Variants in SPNS3 observed in about 807,000 individuals in gnomAD.
The protein encoded by SPNS3 is SPNS lysolipid transporter 3, sphingosine-1-phosphate (putative).
Under a neutral mutation model 54.4 loss-of-function variants are expected in SPNS3, and 51 were observed. That is an observed-to-expected ratio of 0.94 (90% CI 0.75 to 1.18). The LOEUF (loss-of-function observed/expected upper bound fraction) is 1.18. Ranked by LOEUF, SPNS3 falls within the 50% of genes most tolerant of loss-of-function variation. The pLI is 0.00. For missense variants in SPNS3, 669 were observed against 677.4 expected (o/e 0.99, Z 0.14); for synonymous variants, 309 against 294.7 (o/e 1.05, Z -0.50).
chr17:4,439,519 G>T (rs948004119), intron 1 of SPNS3, 139 bp from the exon 2 acceptor site: 1 of 663,668 alleles, frequency 1.5e-6, no homozygotes, highest in Admixed American at 2.4e-5. Context: ...TGGGAGAGAG[G>T]GGGAGAGAAC....
At chr17:4,456,213 A>T (rs1971310432) in intron 8 of SPNS3, among the ~76,000 whole-genome samples, 1 of 152,058 alleles carries the variant, frequency 6.6e-6, no homozygotes. Context: ...CAGCCTCCCA[A>T]AGTGCTGGGA....
chr17:4,442,655 C>G (rs1048704567), intron 2 of SPNS3, among the ~76,000 whole-genome samples: 1 of 152,150 alleles, frequency 6.6e-6, no homozygotes, highest in African/African-American at 2.4e-5. Flanking sequence ...ATATTTAAAA[C>G]TAACACTGAC....
rs573981642 is a variant in SPNS3 at position 4,439,270 on chromosome 17, C to T, written c.200-388C>T. Among the ~76,000 whole-genome samples, 18 of 152,080 alleles carry T rather than the reference C, an allele frequency of 1.2e-4. No homozygotes were observed. The East Asian group carries it at 3.3e-3, about 28-fold the overall frequency. On this transcript the variant is annotated intron_variant, in intron 1 of 11. Transcript: ENST00000355530. ...TCCCGAGTAGCTGGGATTACAGGCG[C>T]CCGCCACCACGTCCGGCTAATTTTT... is the stretch of plus-strand genomic sequence containing the variant.
chr17:4,458,614 TTTCTTTC>T (rs1412695837), intron 8 of SPNS3, among the ~76,000 whole-genome samples: 4 of 114,084 alleles, frequency 3.5e-5, no homozygotes, highest in Non-Finnish European at 5.7e-5. Flanking sequence ...TCTTTCTTTC[TTTCTTTC>T]TTTCTTTCTT....
intron 9 of SPNS3, among the ~76,000 whole-genome samples, chr17:4,485,555 G>A (rs1442499637): frequency 6.6e-6 from 1 of 151,972 alleles, no homozygotes; most frequent in African/African-American, 2.4e-5. Context: ...GTGCCACCAC[G>A]CCGGCTAGTT....
chr17:4,488,180 A>G lies in SPNS3; in HGVS notation c.*286A>G. 2.2e-6 allele frequency: 1 copy of G among 450,922 alleles called. No individual in the cohort carries two copies. The highest frequency in any genetic ancestry group is 4.1e-6 in the Non-Finnish European group (1 of 246,744). 27.9% of individuals were successfully genotyped at this position (450,922 alleles called of 1,614,324 possible). A position where few individuals can be genotyped will look rare whatever the true frequency, so the allele number is the denominator to read the frequency against. On this transcript the variant is annotated 3_prime_UTR_variant, in exon 12 of 12. Transcript: ENST00000355530. ...GCCCTGAATAAAGAGAGGCCAGTAC[A>G]AAGCCCATGGATTTTGGGCCTGTAG...
intron 1 of SPNS3, among the ~76,000 whole-genome samples, chr17:4,437,348 C>T (rs777908487): frequency 6.6e-6 from 1 of 152,126 alleles, no homozygotes; most frequent in Non-Finnish European, 1.5e-5. Flanking sequence ...ATTTATTTTG[C>T]TTACCTGTGT....
At chr17:4,476,796 C>T (rs965459974) in intron 8 of SPNS3, among the ~76,000 whole-genome samples, 1 of 152,188 alleles carries the variant, frequency 6.6e-6, no homozygotes, top group Admixed American at 6.5e-5. Flanking sequence ...CACTGCAGTC[C>T]CAGGGGCTGG....
Position 4,446,199 on chromosome 17 carries a change from G to A in SPNS3, c.554G>A (p.Ser185Asn), listed in dbSNP as rs1215764825. ...AVFYIFIPVG[S>N]GLGYVLGSAV... ...TTCTACATCTTTATCCCCGTTGGAAGGTTGGTATCACCCGTGGGTCTACTT... is the reference window on the plus strand; with the variant it reads ...TTCTACATCTTTATCCCCGTTGGAAAGTTGGTATCACCCGTGGGTCTACTT... The change falls in exon 4 of 12, where the codon AGT becomes AAT. Residue 185 changes from serine to asparagine, a missense_variant and splice_region_variant. By Grantham distance (46) the Ser-to-Asn change is conservative. Transcript: ENST00000355530. 1.2e-6 allele frequency: 2 copies of A among 1,608,386 alleles called. No homozygotes were observed. The highest frequency in any genetic ancestry group is 1.7e-6 in the Non-Finnish European group (2 of 1,175,964).
chr17:4,488,121 C>G lies in SPNS3; in HGVS notation c.*227C>G. On this transcript the variant is annotated 3_prime_UTR_variant, in exon 12 of 12. Coordinates refer to ENST00000355530, the MANE Select transcript of SPNS3 (RefSeq NM_182538.5). Reference sequence around the variant, plus strand: ...GTGCCTGCATCCCGCTCAAGGCTGCCCCAGCCTGGGGTCTCCAGCCTGGCT... The same window carrying G: ...GTGCCTGCATCCCGCTCAAGGCTGCGCCAGCCTGGGGTCTCCAGCCTGGCT... The G allele has an allele frequency of 5.3e-6, 3 of 568,792 alleles. 1 individual carries two copies. Among genetic ancestry groups the G allele is most frequent in the East Asian group, 5.8e-5 (2 of 34,258 alleles). The allele number at this position is 568,792 out of a possible 1,614,324, so 35.2% of individuals were successfully genotyped here.
intron 8 of SPNS3, among the ~76,000 whole-genome samples, chr17:4,467,018 G>A (rs1215733045): frequency 6.6e-6 from 1 of 152,098 alleles, no homozygotes; most frequent in Non-Finnish European, 1.5e-5. Flanking sequence ...GTGGGTGGGG[G>A]TGGAGCGGGG....
At chr17:4,470,223 G>A (rs1428080275) in intron 8 of SPNS3, among the ~76,000 whole-genome samples, 1 of 152,118 alleles carries the variant, frequency 6.6e-6, no homozygotes, top group African/African-American at 2.4e-5. Context: ...GAGGTCAGGA[G>A]TTCGAGACCA....
At chr17:4,475,684 T>A (rs1331863717) in intron 8 of SPNS3, among the ~76,000 whole-genome samples, 1 of 152,084 alleles carries the variant, frequency 6.6e-6, no homozygotes, top group Non-Finnish European at 1.5e-5. Flanking sequence ...GAGAATGAGT[T>A]TAGGCAGCTG....
At chr17:4,478,819 C>T (rs772240452) in intron 9 of SPNS3, among the ~76,000 whole-genome samples, 182 bp downstream of exon 9, 1 of 152,212 alleles carries the variant, frequency 6.6e-6, no homozygotes, top group Non-Finnish European at 1.5e-5. Context: ...TGACCATCAT[C>T]CCGATTTTGC....
rs75531264 is a variant in SPNS3, at chr17:4,436,621, C to G, written c.199+2455C>G. The stretch of plus-strand genomic sequence containing the variant: ...ATCTAAACCCCTAAAGACAAAAAGC[C>G]AAAACAAAGCAAAACAAAACACATG... On this transcript the variant is annotated intron_variant, in intron 1 of 11. Coordinates refer to ENST00000355530, the MANE Select transcript of SPNS3 (RefSeq NM_182538.5). 5.7e-3 allele frequency among the ~76,000 whole-genome samples: 870 copies of G among 152,096 alleles called. 7 individuals are homozygous for G. Among genetic ancestry groups the G allele is most frequent in the African/African-American group, 0.02 (842 of 41,496 alleles).
chr17:4,458,588 C>CCTTCCTTCCTTCCTTTCTTT lies in SPNS3; in HGVS notation c.1113+5386_1113+5387insCCTTCCTTCCTTTCTTTCTT, dbSNP rs1413694695. 1.8e-3 allele frequency among the ~76,000 whole-genome samples: 104 copies of CCTTCCTTCCTTCCTTTCTTT among 59,324 alleles called. 3 individuals are homozygous for CCTTCCTTCCTTCCTTTCTTT. The highest frequency in any genetic ancestry group is 6.0e-3 in the African/African-American group (98 of 16,446). The allele number at this position is 59,324 out of a possible 152,430, so 38.9% of individuals were successfully genotyped here. On this transcript the variant is annotated intron_variant, in intron 8 of 11. Coordinates refer to ENST00000355530, the MANE Select transcript of SPNS3 (RefSeq NM_182538.5). ...TCCCTCCTTTCTTTCTTCCTTCCCT[C>CCTTCCTTCCTTCCTTTCTTT]CTTTCTTTCTTTCTTTCTTTCTTTC...
At position 4,486,334 on chromosome 17, in the gene SPNS3, G is replaced by A. The variant is rs142135743; in HGVS notation, c.1278+8G>A. On this transcript the variant is annotated splice_region_variant and intron_variant, in intron 10 of 11. Coordinates refer to ENST00000355530, the MANE Select transcript of SPNS3 (RefSeq NM_182538.5). The surrounding 1 kb of genome is among the most constrained non-coding windows in gnomAD (Gnocchi z 5.5). ...CCCTATCTCACAGGACTTGTAAGACGTGTCTGCGTGTGTGGGGTGGGGAGG... is the reference window on the plus strand; with the variant it reads ...CCCTATCTCACAGGACTTGTAAGACATGTCTGCGTGTGTGGGGTGGGGAGG... 3,072 of 1,600,150 alleles carry A rather than the reference G, an allele frequency of 1.9e-3. 6 individuals are homozygous for A. Among genetic ancestry groups the A allele is most frequent in the Middle Eastern group, 2.8e-3 (17 of 5,994 alleles).
At chr17:4,472,071 C>G (rs1028759589) in intron 8 of SPNS3, among the ~76,000 whole-genome samples, 1 of 152,050 alleles carries the variant, frequency 6.6e-6, no homozygotes, top group Admixed American at 6.6e-5. Context: ...GTTGACCAGG[C>G]TGGTCTCGAA....
intron 8 of SPNS3, among the ~76,000 whole-genome samples, chr17:4,466,165 T>C (rs1971670134): frequency 6.6e-6 from 1 of 152,214 alleles, no homozygotes; most frequent in South Asian, 2.1e-4. Flanking sequence ...GCCTCCTCTT[T>C]CCCAGACGCT....
Sources: gnomAD v4.1 joint callset for allele counts (sites outside exome capture counted in the v4.1 genomes callset) on GRCh38, gnomAD v4.1.1 for gene constraint, Gnocchi (gnomAD v3.1) non-coding constraint, MANE v1.5 for transcripts, NCBI Gene and HGNC (gene_info 2026-07-23, HGNC 2026-07-21) for gene names.